WDR35: variants seen among roughly 807,000 people sequenced by gnomAD.
The protein encoded by WDR35 is WD repeat domain 35.
In WDR35, 118 loss-of-function variants were observed where a neutral mutation model predicts 158.3. The observed-to-expected ratio is 0.75, with a 90% CI of 0.64 to 0.87. The LOEUF is 0.87. WDR35 is among the 40% of genes least tolerant of loss of function. WDR35 has a pLI of 0.00. For synonymous variants in WDR35, 448 were observed against 476.1 expected (o/e 0.94, Z 0.77); for missense variants, 1,263 against 1,405.8 (o/e 0.90, Z 1.62).
In WDR35 at chr2:19,960,474, T is replaced by C. The variant is rs773252432; in HGVS notation, c.1255+80A>G. 2.7e-5 allele frequency: 31 copies of C among 1,142,982 alleles called. No individual in the cohort carries two copies. In the South Asian group the frequency reaches 3.5e-4, roughly 13 times the overall value. The allele number at this position is 1,142,982 out of a possible 1,614,324, so 70.8% of individuals were successfully genotyped here. A position where few individuals can be genotyped will look rare whatever the true frequency, so the allele number is the denominator to read the frequency against. ...TTTTAGAAAACACCATTCTAATTAA[T>C]AATACCAGTGTTAGGTTTTTAAATT... is the stretch of plus-strand genomic sequence containing the variant. On this transcript the variant is annotated intron_variant, in intron 11 of 26. Coordinates refer to ENST00000281405, the MANE Select transcript of WDR35 (RefSeq NM_020779.4).
At chr2:19,977,315 T>G (rs147766152) in intron 5 of WDR35, among the ~76,000 whole-genome samples, 210 of 152,380 alleles carry the variant, frequency 1.4e-3, no homozygotes, top group African/African-American at 4.6e-3. Flanking sequence ...GCCTATGGCA[T>G]GACAAAATCA....
chr2:19,939,568 T>G lies in WDR35; in HGVS notation c.1927-1167A>C, dbSNP rs983295006. On this transcript the variant is annotated intron_variant, in intron 17 of 26. Transcript: ENST00000281405. ...AAAGTAGATTGTACAATGATGTCATTTTTATAAAATTACTTCTGTTCATCT... is the reference window on the plus strand; with the variant it reads ...AAAGTAGATTGTACAATGATGTCATGTTTATAAAATTACTTCTGTTCATCT... Among the ~76,000 whole-genome samples, 3 of 152,168 alleles carry G rather than the reference T, an allele frequency of 2.0e-5. No individual in the cohort carries two copies. In the East Asian group the frequency reaches 5.8e-4, roughly 29 times the overall value.
chr2:19,976,883 G>C (rs567113088), intron 5 of WDR35, among the ~76,000 whole-genome samples: 2 of 151,914 alleles, frequency 1.3e-5, no homozygotes, highest in South Asian at 2.1e-4. Context: ...GTAGTGGTAA[G>C]ATGATGGCTC....
chr2:19,949,233 A>G (rs967757884), intron 13 of WDR35, among the ~76,000 whole-genome samples: 1 of 152,246 alleles, frequency 6.6e-6, no homozygotes, highest in Non-Finnish European at 1.5e-5. Context: ...GGAAATTTCA[A>G]GTTGTTTGCC....
intron 3 of WDR35, 94 bp downstream of exon 3, chr2:19,982,369 T>C: frequency 8.7e-7 from 1 of 1,146,052 alleles, no homozygotes; most frequent in South Asian, 1.3e-5. Flanking sequence ...AATATTACCA[T>C]TATTTAAAAT....
At chr2:19,931,084 A>G (rs1670510173) in intron 24 of WDR35, among the ~76,000 whole-genome samples, 185 bp downstream of exon 24, 6 of 152,222 alleles carry the variant, frequency 3.9e-5, no homozygotes, top group Admixed American at 3.9e-4. Context: ...CAATATTTCT[A>G]GGTAGAAATT....
In WDR35 at chr2:19,934,310, C is replaced by A. The variant is rs1312218499; in HGVS notation, c.2548-799G>T. Among the ~76,000 whole-genome samples the A allele has an allele frequency of 6.6e-6, 1 of 152,060 alleles. No homozygotes were observed. Among genetic ancestry groups the A allele is most frequent in the African/African-American group, 2.4e-5 (1 of 41,408 alleles). The stretch of plus-strand genomic sequence containing the variant: ...CAAAACATGAAAAAGTGAAATTACT[C>A]ATAATCTTATCATTCATAAGAAACC... On this transcript the variant is annotated intron_variant, in intron 21 of 26. Transcript: ENST00000281405. The surrounding 1 kb of genome is among the most constrained non-coding windows in gnomAD (Gnocchi z 4.6).
intron 25 of WDR35, among the ~76,000 whole-genome samples, chr2:19,925,958 T>C (rs1670342227): frequency 6.6e-6 from 1 of 152,210 alleles, no homozygotes; most frequent in African/African-American, 2.4e-5. Context: ...TAAGCCAATT[T>C]GGATAGAACA....
At chr2:19,936,026 C>T (rs1670680962) in intron 20 of WDR35, among the ~76,000 whole-genome samples, 193 bp downstream of exon 20, 1 of 152,174 alleles carries the variant, frequency 6.6e-6, no homozygotes, top group East Asian at 1.9e-4. Context: ...TGTGTTTATA[C>T]ACTACAAATT....
Position 19,948,913 on chromosome 2 carries a change from C to CA in WDR35, c.1471-697dup, listed in dbSNP as rs989939090. Among the ~76,000 whole-genome samples, 412 of 127,638 alleles carry CA rather than the reference C, an allele frequency of 3.2e-3. 1 individual carries two copies. The highest frequency in any genetic ancestry group is 7.9e-3 in the African/African-American group (272 of 34,514). 83.7% of individuals were successfully genotyped at this position (127,638 alleles called of 152,430 possible). On this transcript the variant is annotated intron_variant, in intron 13 of 26. Transcript: ENST00000281405. The stretch of plus-strand genomic sequence containing the variant: ...TGGGCAACAGTGCAAGACTCTGTCT[C>CA]AAAAAAAAAAAAGAAAATGAAGAAA...
chr2:19,962,506 T>G (rs1189909126), intron 10 of WDR35, among the ~76,000 whole-genome samples: 1 of 151,404 alleles, frequency 6.6e-6, no homozygotes, highest in Non-Finnish European at 1.5e-5. Flanking sequence ...GATCATTTCA[T>G]TTTTCTTACT....
chr2:19,974,026 A>T (rs1672114596), intron 7 of WDR35, among the ~76,000 whole-genome samples: 1 of 152,078 alleles, frequency 6.6e-6, no homozygotes, highest in South Asian at 2.1e-4. Context: ...TGAGCCTGGG[A>T]GGCCAAGGCT....
intron 3 of WDR35, among the ~76,000 whole-genome samples, chr2:19,981,810 C>T (rs150568519): frequency 6.6e-6 from 1 of 152,302 alleles, no homozygotes; most frequent in East Asian, 1.9e-4. Context: ...TTAGCCACTA[C>T]ACCCAGTCTC....
chr2:19,923,161 CCT>C (rs1386554870), intron 25 of WDR35, among the ~76,000 whole-genome samples: 1 of 152,080 alleles, frequency 6.6e-6, no homozygotes, highest in Non-Finnish European at 1.5e-5. Flanking sequence ...TTGTGAGACC[CCT>C]GATTTCCCAC....
At chr2:19,958,266 C>A (rs1671512200) in intron 11 of WDR35, among the ~76,000 whole-genome samples, 1 of 152,346 alleles carries the variant, frequency 6.6e-6, no homozygotes, top group East Asian at 1.9e-4. Context: ...CATTCCTCTG[C>A]AAATGCCGTT....
intron 25 of WDR35, among the ~76,000 whole-genome samples, chr2:19,924,846 G>GA (rs1213541225): frequency 1.3e-5 from 2 of 152,206 alleles, no homozygotes; most frequent in African/African-American, 4.8e-5. Flanking sequence ...AAAGAATGTA[G>GA]AAAAAATCAG....
In WDR35 at chr2:19,978,867, T is replaced by C; in HGVS notation, c.320A>G (p.Glu107Gly). 6.2e-7 allele frequency: 1 copy of C among 1,613,754 alleles called. No homozygotes were observed. The highest frequency in any genetic ancestry group is 8.5e-7 in the Non-Finnish European group (1 of 1,179,802). ...VWMLYKGSWI[E>G]EMINNRNKSV... ...TTTATTTCGATTGTTGATCATCTCC[T>C]CAATCCAAGAGCCTGTTTTCACAAA... The change falls in exon 5 of 27, where the codon GAG becomes GGG. Residue 107 changes from glutamate to glycine, a missense_variant. Coordinates refer to ENST00000281405, the MANE Select transcript of WDR35 (RefSeq NM_020779.4).
chr2:19,932,450 A>G lies in WDR35; in HGVS notation c.2659-3T>C. On this transcript the variant is annotated splice_polypyrimidine_tract_variant and splice_region_variant and intron_variant, in intron 22 of 26. Coordinates refer to ENST00000281405, the MANE Select transcript of WDR35 (RefSeq NM_020779.4). ...GCCAATTCAACAGCTTTGTTCCACT[A>G]GGAGAAAAATTACACCATTCAGTCA... The G allele has an allele frequency of 6.8e-6, 11 of 1,613,146 alleles. No homozygotes were observed. Among genetic ancestry groups the G allele is most frequent in the Non-Finnish European group, 9.3e-6 (11 of 1,179,428 alleles).
At chr2:19,929,664 G>T (rs1324110028) in intron 25 of WDR35, among the ~76,000 whole-genome samples, 2 of 152,054 alleles carry the variant, frequency 1.3e-5, no homozygotes, top group Non-Finnish European at 2.9e-5. Context: ...TGGAATATTA[G>T]GTAGAATGTT....
Sources: allele counts gnomAD v4.1 joint callset (sites outside exome capture counted in the v4.1 genomes callset), GRCh38; gene constraint gnomAD v4.1.1; non-coding constraint Gnocchi (gnomAD v3.1); transcripts MANE v1.5; gene names NCBI Gene and HGNC (gene_info 2026-07-23, HGNC 2026-07-21).